Variants in DGKI observed in about 807,000 individuals in gnomAD.
The protein encoded by DGKI is DAG kinase iota.
Under a neutral mutation model 147.5 loss-of-function variants are expected in DGKI, and 55 were observed. The observed-to-expected ratio is 0.37, with a 90% CI of 0.30 to 0.47. The LOEUF (loss-of-function observed/expected upper bound fraction) is 0.47, where lower values mean the gene tolerates loss of function less well. Among genes scored for constraint, DGKI ranks in the 20% least tolerant of loss-of-function variants. The pLI, the probability that DGKI is intolerant of heterozygous loss-of-function variation, is 1.00. For synonymous variants in DGKI, 469 were observed against 477.1 expected (o/e 0.98, Z 0.22); for missense variants, 1,007 against 1,323.8 (o/e 0.76, Z 3.71).
rs181897554 is a variant in DGKI, at chr7:137,672,184, C to T, written c.606+6373G>A. 8.5e-5 allele frequency among the ~76,000 whole-genome samples: 13 copies of T among 152,326 alleles called. No individual in the cohort carries two copies. The East Asian group carries it at 1.2e-3, about 14-fold the overall frequency. ...TGCTGTAGACGCACCTGTGTGCATA[C>T]GTGTCAGTGAGCCTATGTAACTGCG... is the stretch of plus-strand genomic sequence containing the variant. On this transcript the variant is annotated intron_variant, in intron 3 of 32. Coordinates refer to ENST00000614521, the MANE Select transcript of DGKI (RefSeq NM_001321708.2).
chr7:137,408,376 T>C (rs931870609), intron 29 of DGKI, among the ~76,000 whole-genome samples: 10 of 152,252 alleles, frequency 6.6e-5, no homozygotes, highest in Non-Finnish European at 1.3e-4. Flanking sequence ...AGAGTAATTA[T>C]GGCTATAAGC....
chr7:137,588,641 G>T (rs961121551), intron 12 of DGKI, among the ~76,000 whole-genome samples: 1 of 151,786 alleles, frequency 6.6e-6, no homozygotes, highest in Non-Finnish European at 1.5e-5. Flanking sequence ...CACGCCGGGC[G>T]AATTTTTTGT....
chr7:137,475,894 AGAGCTT>A (rs1815154433), intron 23 of DGKI, among the ~76,000 whole-genome samples: 1 of 152,210 alleles, frequency 6.6e-6, no homozygotes, highest in African/African-American at 2.4e-5. Context: ...CAAAAGAATC[AGAGCTT>A]GGTAATTAAA....
chr7:137,617,608 A>G (rs1169372425), intron 8 of DGKI, among the ~76,000 whole-genome samples: 1 of 152,074 alleles, frequency 6.6e-6, no homozygotes, highest in East Asian at 1.9e-4. Flanking sequence ...TTCCACTTCC[A>G]GGAAGATGGG....
At chr7:137,414,840 G>A (rs372944537) in intron 28 of DGKI, among the ~76,000 whole-genome samples, 3 of 152,018 alleles carry the variant, frequency 2.0e-5, no homozygotes, top group Non-Finnish European at 2.9e-5. Flanking sequence ...CATAAATTTT[G>A]GAAGTTATTC....
chr7:137,545,430 A>T (rs1175167498), intron 20 of DGKI, among the ~76,000 whole-genome samples: 3 of 152,194 alleles, frequency 2.0e-5, no homozygotes, highest in Non-Finnish European at 4.4e-5. Flanking sequence ...TAACTCAGTG[A>T]CAGTTTGGGG....
Position 137,416,440 on chromosome 7 carries a change from T to C in DGKI, c.2762-4233A>G, listed in dbSNP as rs73459132. 9.3e-3 allele frequency among the ~76,000 whole-genome samples: 1,418 copies of C among 152,260 alleles called. 13 individuals carry two copies. Among genetic ancestry groups the C allele is most frequent in the African/African-American group, 0.033 (1,355 of 41,542 alleles). The stretch of plus-strand genomic sequence containing the variant: ...TGAACAAAGAGATAAAAGTAAGTCA[T>C]GGTGTCTGAGGGAATCTGCAAAGAG... On this transcript the variant is annotated intron_variant, in intron 28 of 32. Coordinates refer to ENST00000614521, the MANE Select transcript of DGKI (RefSeq NM_001321708.2).
intron 1 of DGKI, among the ~76,000 whole-genome samples, chr7:137,753,552 G>A (rs1439304182): frequency 6.6e-6 from 1 of 152,178 alleles, no homozygotes; most frequent in Non-Finnish European, 1.5e-5. Context: ...CAGGAGGAGG[G>A]GAGTTGAGCA....
intron 1 of DGKI, among the ~76,000 whole-genome samples, chr7:137,843,110 G>T (rs1363873756): frequency 2.0e-5 from 3 of 152,088 alleles, no homozygotes; most frequent in Non-Finnish European, 4.4e-5. Context: ...CACATCACAG[G>T]ACTGTCACAA....
chr7:137,810,471 AC>A (rs1319046278), intron 1 of DGKI, among the ~76,000 whole-genome samples: 1 of 152,228 alleles, frequency 6.6e-6, no homozygotes, highest in Non-Finnish European at 1.5e-5. Flanking sequence ...GACAGACTTC[AC>A]AGTAAAGGCA....
At chr7:137,604,849 T>C (rs1242626778) in intron 10 of DGKI, among the ~76,000 whole-genome samples, 5 of 152,140 alleles carry the variant, frequency 3.3e-5, no homozygotes, top group Admixed American at 3.3e-4. Context: ...AAGATGCTAA[T>C]GAGTCCAGGA....
intron 1 of DGKI, among the ~76,000 whole-genome samples, chr7:137,840,313 G>C (rs970881489): frequency 1.3e-5 from 2 of 152,238 alleles, no homozygotes; most frequent in Admixed American, 1.3e-4. Flanking sequence ...GAAGGAAAGA[G>C]GGAGTGAAGT....
intron 1 of DGKI, among the ~76,000 whole-genome samples, chr7:137,713,910 A>G (rs1794290728): frequency 6.6e-6 from 1 of 152,180 alleles, no homozygotes; most frequent in Non-Finnish European, 1.5e-5. Context: ...AAGCACTGAG[A>G]TTATAAGGCA....
chr7:137,415,301 TA>T (rs1812317329), intron 28 of DGKI, among the ~76,000 whole-genome samples: 1 of 152,260 alleles, frequency 6.6e-6, no homozygotes, highest in Middle Eastern at 3.4e-3. Flanking sequence ...AAAATTACAA[TA>T]AATTTTAAAA....
At chr7:137,771,358 T>A (rs1796191685) in intron 1 of DGKI, among the ~76,000 whole-genome samples, 1 of 152,206 alleles carries the variant, frequency 6.6e-6, no homozygotes. Context: ...CCCAAAGTGC[T>A]GGGACTACAG....
intron 1 of DGKI, among the ~76,000 whole-genome samples, chr7:137,745,656 T>C (rs984462895): frequency 6.6e-6 from 1 of 152,182 alleles, no homozygotes; most frequent in Non-Finnish European, 1.5e-5. Flanking sequence ...AAGTAACCCT[T>C]GTTTTACTTA....
At chr7:137,776,830 AGAGAC>A (rs1796376232) in intron 1 of DGKI, among the ~76,000 whole-genome samples, 2 of 152,128 alleles carry the variant, frequency 1.3e-5, no homozygotes, top group African/African-American at 4.8e-5. Flanking sequence ...GGACTGGAGA[AGAGAC>A]GAAAAATACA....
intron 8 of DGKI, 81 bp from the exon 9 acceptor site, chr7:137,609,690 C>A (rs80162426): frequency 1.8e-5 from 17 of 962,690 alleles, no homozygotes; most frequent in Non-Finnish European, 2.6e-5. Flanking sequence ...TAGAAGATGA[C>A]GGCAGCGCAT....
intron 30 of DGKI, among the ~76,000 whole-genome samples, chr7:137,405,834 A>T (rs1811926216): frequency 6.6e-6 from 1 of 152,164 alleles, no homozygotes; most frequent in Non-Finnish European, 1.5e-5. Context: ...TCCCAGCTGA[A>T]AGCCCCAAAC....
Sources: gnomAD v4.1 joint callset for allele counts (sites outside exome capture counted in the v4.1 genomes callset) on GRCh38, gnomAD v4.1.1 for gene constraint, MANE v1.5 for transcripts, NCBI Gene and HGNC (gene_info 2026-07-23, HGNC 2026-07-21) for gene names.